The following EXOC6B variants were observed in gnomAD, a reference collection of about 807,000 sequenced individuals.
EXOC6B encodes exocyst complex component 6B, also known as SEC15 homolog B.
Under a neutral mutation model 113.5 loss-of-function variants are expected in EXOC6B, and 54 were observed. The ratio of observed to expected loss-of-function variants is 0.48; its 90% CI spans 0.38 to 0.60. The LOEUF (loss-of-function observed/expected upper bound fraction) is 0.60, where lower values mean the gene tolerates loss of function less well. Among genes scored for constraint, EXOC6B ranks in the 20% least tolerant of loss-of-function variants. The probability of loss-of-function intolerance (pLI) is 0.00; values close to 1 mark genes in which losing one functional copy is unlikely to be tolerated. For missense variants in EXOC6B, 797 were observed against 977.5 expected, an observed-to-expected ratio of 0.82 and a Z score of 2.46; for synonymous variants, 357 against 339.0, an observed-to-expected ratio of 1.05 and a Z score of -0.58.
chr2:72,196,694 T>A (rs1034270817), intron 20 of EXOC6B, among the ~76,000 whole-genome samples: 7 of 152,224 alleles, frequency 4.6e-5, no homozygotes, highest in Non-Finnish European at 1.0e-4. Flanking sequence ...TTTTGTTAAG[T>A]AAACACTAGT....
At chr2:72,195,691 A>T (rs1679125751) in intron 20 of EXOC6B, among the ~76,000 whole-genome samples, 1 of 152,224 alleles carries the variant, frequency 6.6e-6, no homozygotes, top group South Asian at 2.1e-4. Context: ...ATGTAAGTGT[A>T]AGCAAATATC....
chr2:72,569,821 C>G (rs555087125), intron 7 of EXOC6B, among the ~76,000 whole-genome samples: 1 of 152,236 alleles, frequency 6.6e-6, no homozygotes, highest in South Asian at 2.1e-4. Flanking sequence ...ATCACAACCA[C>G]TATTTTTTTA....
chr2:72,297,746 T>G (rs1686229214), intron 20 of EXOC6B, among the ~76,000 whole-genome samples: 1 of 152,220 alleles, frequency 6.6e-6, no homozygotes, highest in Non-Finnish European at 1.5e-5. Flanking sequence ...AATTTTGTTA[T>G]TTACCCAGTA....
At chr2:72,522,089 A>AT (rs922447420) in intron 8 of EXOC6B, among the ~76,000 whole-genome samples, 12 of 151,972 alleles carry the variant, frequency 7.9e-5, no homozygotes, top group East Asian at 3.8e-4. Flanking sequence ...CTCCACAACA[A>AT]TTTTTTTTAT....
At chr2:72,380,209 A>G (rs1360546855) in intron 18 of EXOC6B, among the ~76,000 whole-genome samples, 1 of 152,232 alleles carries the variant, frequency 6.6e-6, no homozygotes, top group East Asian at 1.9e-4. Context: ...ATATTGCAGA[A>G]TACAATATTC....
At chr2:72,260,417 G>A (rs1234903710) in intron 20 of EXOC6B, among the ~76,000 whole-genome samples, 4 of 152,144 alleles carry the variant, frequency 2.6e-5, no homozygotes, top group South Asian at 4.1e-4. Context: ...TTGATTGTGC[G>A]AGGCAACAAT....
chr2:72,563,788 G>T (rs1309810980), intron 7 of EXOC6B, among the ~76,000 whole-genome samples: 1 of 152,052 alleles, frequency 6.6e-6, no homozygotes, highest in Admixed American at 6.5e-5. Context: ...TCAGGTAAAA[G>T]AAAGTCTCTA....
chr2:72,443,052 C>T (rs1343322223), intron 18 of EXOC6B, among the ~76,000 whole-genome samples: 7 of 152,070 alleles, frequency 4.6e-5, no homozygotes, highest in East Asian at 3.9e-4. Context: ...ATAGGCAGGG[C>T]GCGGTGCCTC....
intron 17 of EXOC6B, among the ~76,000 whole-genome samples, chr2:72,476,829 C>T (rs1327880059): frequency 6.6e-6 from 1 of 152,150 alleles, no homozygotes; most frequent in Non-Finnish European, 1.5e-5. Flanking sequence ...CACTGCCATC[C>T]TAATTCTATG....
chr2:72,431,231 C>T (rs1356088072), intron 18 of EXOC6B, among the ~76,000 whole-genome samples: 1 of 152,084 alleles, frequency 6.6e-6, no homozygotes, highest in Non-Finnish European at 1.5e-5. Flanking sequence ...AATATAGAAA[C>T]TCTCATGTGA....
intron 6 of EXOC6B, among the ~76,000 whole-genome samples, chr2:72,654,021 G>A (rs1485752093): frequency 1.3e-5 from 2 of 150,178 alleles, no homozygotes; most frequent in African/African-American, 4.9e-5. Context: ...CCAGGCTGGA[G>A]TGCAGTGCCG....
At chr2:72,780,261 C>T (rs747901356) in intron 1 of EXOC6B, among the ~76,000 whole-genome samples, 4 of 152,068 alleles carry the variant, frequency 2.6e-5, no homozygotes, top group Admixed American at 1.3e-4. Flanking sequence ...TAAAAACATA[C>T]CTACAATACA....
intron 18 of EXOC6B, among the ~76,000 whole-genome samples, chr2:72,406,651 C>T (rs1693790709): frequency 2.0e-5 from 3 of 152,110 alleles, no homozygotes; most frequent in Admixed American, 2.0e-4. Context: ...TGCTTTGAAA[C>T]CAACGAAAAC....
chr2:72,530,987 T>C (rs1701970487), intron 8 of EXOC6B, among the ~76,000 whole-genome samples: 1 of 151,926 alleles, frequency 6.6e-6, no homozygotes, highest in African/African-American at 2.4e-5. Context: ...GTGATTTTTC[T>C]ATAGACAATA....
At chr2:72,215,673 G>A (rs185195138) in intron 20 of EXOC6B, among the ~76,000 whole-genome samples, 105 of 152,222 alleles carry the variant, frequency 6.9e-4, no homozygotes, top group African/African-American at 2.4e-3. Context: ...AAAGCTGAGC[G>A]CGTACCATGA....
intron 6 of EXOC6B, among the ~76,000 whole-genome samples, chr2:72,636,186 G>A (rs977224064): frequency 6.6e-6 from 1 of 151,804 alleles, no homozygotes; most frequent in Non-Finnish European, 1.5e-5. Flanking sequence ...TCATGCCACT[G>A]CATTACAGCT....
At chr2:72,797,280 T>C (rs1280711290) in intron 1 of EXOC6B, among the ~76,000 whole-genome samples, 1 of 152,268 alleles carries the variant, frequency 6.6e-6, no homozygotes, top group Non-Finnish European at 1.5e-5. Flanking sequence ...GTTTTTGCTA[T>C]ATCTCTGCCT....
chr2:72,474,442 G>A (rs1284769759), intron 17 of EXOC6B, among the ~76,000 whole-genome samples: 1 of 151,702 alleles, frequency 6.6e-6, no homozygotes, highest in Non-Finnish European at 1.5e-5. Context: ...ATGTAATAAA[G>A]GCTTTGCTCA....
intron 11 of EXOC6B, among the ~76,000 whole-genome samples, chr2:72,510,900 G>A (rs956360971): frequency 1.3e-5 from 2 of 151,940 alleles, no homozygotes. Flanking sequence ...ACAGGTGGTT[G>A]TAAACATATA....
Sources: gnomAD v4.1 joint callset for allele counts (sites outside exome capture counted in the v4.1 genomes callset) on GRCh38, gnomAD v4.1.1 for gene constraint, MANE v1.5 for transcripts, NCBI Gene and HGNC (gene_info 2026-07-23, HGNC 2026-07-21) for gene names.